INTS8: variants seen among roughly 807,000 people sequenced by gnomAD.
The protein encoded by INTS8 is protein kaonashi-1.
Under a neutral mutation model 138.9 loss-of-function variants are expected in INTS8, and 47 were observed. That is an observed-to-expected ratio of 0.34 (90% CI 0.27 to 0.43). The LOEUF (loss-of-function observed/expected upper bound fraction) is 0.43, where lower values mean the gene tolerates loss of function less well. Among genes scored for constraint, INTS8 ranks in the 20% least tolerant of loss-of-function variants. The pLI, the probability that INTS8 is intolerant of heterozygous loss-of-function variation, is 1.00. For synonymous variants in INTS8, 392 were observed against 400.9 expected (o/e 0.98, Z 0.27); for missense variants, 996 against 1,173.0 (o/e 0.85, Z 2.20).
At chr8:94,866,123 T>A (rs771753905) in intron 17 of INTS8, 35 bp from the exon 18 acceptor site, 135 of 871,524 alleles carry the variant, frequency 1.5e-4, no homozygotes, top group Non-Finnish European at 2.5e-4. Context: ...TTATTTCTAA[T>A]ATTAAATGTG....
chr8:94,848,013 C>CTTTTTTTTTTTTTTTTT (rs58388097), intron 10 of INTS8, among the ~76,000 whole-genome samples: 8,548 of 127,686 alleles, frequency 0.067, 728 homozygotes, highest in Non-Finnish European at 0.089. Flanking sequence ...TAAAACACTG[C>CTTTTTTTTTTTTTTTTT]TTTTTTTTTT....
rs1039994457 is a variant in INTS8 at position 94,872,087 on chromosome 8, A to C, written c.2533+85A>C. 4 of 658,284 alleles carry C rather than the reference A, an allele frequency of 6.1e-6. No individual in the cohort carries two copies. In the Admixed American group the frequency reaches 8.0e-5, roughly 13 times the overall value. The allele number at this position is 658,284 out of a possible 1,614,324, so 40.8% of individuals were successfully genotyped here. On this transcript the variant is annotated intron_variant, in intron 21 of 26. Coordinates refer to ENST00000523731, the MANE Select transcript of INTS8 (RefSeq NM_017864.4). ...TAAATATATAACCTATTTTATTTCA[A>C]TACTTAAGTTTTGTTGAGATTTACT...
At position 94,841,636 on chromosome 8, in the gene INTS8, C is replaced by T. The variant is rs749743969; in HGVS notation, c.1118+45C>T. 10 of 955,618 alleles carry T rather than the reference C, an allele frequency of 1.0e-5. No individual in the cohort carries two copies. In the East Asian group the frequency reaches 2.0e-4, roughly 19 times the overall value. 59.2% of individuals were successfully genotyped at this position (955,618 alleles called of 1,614,324 possible). A position where few individuals can be genotyped will look rare whatever the true frequency, so the allele number is the denominator to read the frequency against. On this transcript the variant is annotated intron_variant, in intron 9 of 26. Transcript: ENST00000523731. ...ACTTCTTGATTTTTGAATAAAACAG[C>T]AAGTGCATTCTGGTTTATCAAAACC... is the stretch of plus-strand genomic sequence containing the variant.
chr8:94,865,105 G>A (rs1036373961), intron 16 of INTS8, among the ~76,000 whole-genome samples: 1 of 151,274 alleles, frequency 6.6e-6, no homozygotes, highest in Non-Finnish European at 1.5e-5. Context: ...TCACCCCCTG[G>A]GCTTTTACCA....
In INTS8 at chr8:94,871,817, A is replaced by C. The variant is rs1403720896; in HGVS notation, c.2415-67A>C. The C allele has an allele frequency of 3.4e-6, 3 of 872,018 alleles. No homozygotes were observed. The Admixed American group carries it at 6.5e-5, about 19-fold the overall frequency. 54.0% of individuals were successfully genotyped at this position (872,018 alleles called of 1,614,324 possible). ...CTTGGCTGAGTTTTTGTTTTTAATA[A>C]ATACATGCATGGAATTTAAAGTTGA... On this transcript the variant is annotated intron_variant, in intron 20 of 26. Transcript: ENST00000523731.
In INTS8 at chr8:94,881,663, T is replaced by C. The variant is rs1210018986; in HGVS notation, c.*1429T>C. On this transcript the variant is annotated 3_prime_UTR_variant, in exon 27 of 27. Coordinates refer to ENST00000523731, the MANE Select transcript of INTS8 (RefSeq NM_017864.4). ...TTTTCCTGGTGGTTTTTCAGTGCTC[T>C]TCGGTGGTGTCATAATGCCTCCATT... 1 of 1,613,834 alleles carries C rather than the reference T, an allele frequency of 6.2e-7. No homozygotes were observed. The highest frequency in any genetic ancestry group is 8.5e-7 in the Non-Finnish European group (1 of 1,179,900).
At chr8:94,828,252 G>A (rs570252944) in intron 4 of INTS8, among the ~76,000 whole-genome samples, 6 of 152,154 alleles carry the variant, frequency 3.9e-5, no homozygotes, top group Admixed American at 3.3e-4. Context: ...TGTAGGCCAG[G>A]CTGGTGTCGA....
At chr8:94,836,025 C>T (rs1446759780) in intron 6 of INTS8, among the ~76,000 whole-genome samples, 1 of 152,152 alleles carries the variant, frequency 6.6e-6, no homozygotes, top group Non-Finnish European at 1.5e-5. Flanking sequence ...GAATCATGAG[C>T]TGGTCCTAGT....
In INTS8 at chr8:94,827,244, T is replaced by C. The variant is rs1386473402; in HGVS notation, c.306-19T>C. 1.2e-6 allele frequency: 2 copies of C among 1,607,926 alleles called. No individual in the cohort carries two copies. The highest frequency in any genetic ancestry group is 1.7e-6 in the Non-Finnish European group (2 of 1,174,906). The stretch of plus-strand genomic sequence containing the variant: ...CTTTCACAATTAATGTGCAAACATG[T>C]ACGTTTTGCTTCTTCAAGTTTGTCT... On this transcript the variant is annotated intron_variant, in intron 2 of 26. Coordinates refer to ENST00000523731, the MANE Select transcript of INTS8 (RefSeq NM_017864.4).
intron 22 of INTS8, among the ~76,000 whole-genome samples, chr8:94,874,249 T>G (rs1039550657): frequency 2.1e-4 from 2 of 9,362 alleles, no homozygotes; most frequent in Admixed American, 7.6e-4. Context: ...TTTTGTCCGT[T>G]TTTTTTTTTG....
In INTS8 at chr8:94,823,325, G is replaced by A. The variant is rs779413330; in HGVS notation, c.-107G>A. ...GTGTGAGTTTCCGGGACGTTCGGAGGGTGGCCTCTCTCCCACCGGGTTCCG... is the reference window on the plus strand; with the variant it reads ...GTGTGAGTTTCCGGGACGTTCGGAGAGTGGCCTCTCTCCCACCGGGTTCCG... On this transcript the variant is annotated 5_prime_UTR_variant, in exon 1 of 27. Coordinates refer to ENST00000523731, the MANE Select transcript of INTS8 (RefSeq NM_017864.4). 73 of 1,517,270 alleles carry A rather than the reference G, an allele frequency of 4.8e-5. No individual in the cohort carries two copies. Among genetic ancestry groups the A allele is most frequent in the Non-Finnish European group, 6.1e-5 (69 of 1,136,960 alleles). The allele number at this position is 1,517,270 out of a possible 1,614,324, so 94.0% of individuals were successfully genotyped here.
At position 94,831,855 on chromosome 8, in the gene INTS8, ATGTAAT is replaced by A. The variant is rs1329714392; in HGVS notation, c.571-132_571-127del. 91 of 545,852 alleles carry A rather than the reference ATGTAAT, an allele frequency of 1.7e-4. 1 individual carries two copies. The East Asian group carries it at 2.5e-3, about 15-fold the overall frequency. The allele number at this position is 545,852 out of a possible 1,614,324, so 33.8% of individuals were successfully genotyped here. A position where few individuals can be genotyped will look rare whatever the true frequency, so the allele number is the denominator to read the frequency against. ...ATTTAAGGTAACTTTATTTCAACAA[ATGTAAT>A]TGTACTCTTGCTGTGTTAAAAATTT... On this transcript the variant is annotated intron_variant, in intron 5 of 26. Coordinates refer to ENST00000523731, the MANE Select transcript of INTS8 (RefSeq NM_017864.4).
chr8:94,841,171 A>G (rs1195174042), intron 8 of INTS8, among the ~76,000 whole-genome samples: 1 of 152,120 alleles, frequency 6.6e-6, no homozygotes, highest in Non-Finnish European at 1.5e-5. Flanking sequence ...TTGGCCTCCC[A>G]AAGTGCTCAG....
chr8:94,875,593 C>CTT (rs1259148665), intron 23 of INTS8, among the ~76,000 whole-genome samples: 1 of 152,014 alleles, frequency 6.6e-6, no homozygotes, highest in Non-Finnish European at 1.5e-5. Flanking sequence ...AGATTGGGTA[C>CTT]TTTAAGAGGG....
chr8:94,834,640 T>A (rs879860777), intron 6 of INTS8, among the ~76,000 whole-genome samples: 3 of 151,084 alleles, frequency 2.0e-5, no homozygotes, highest in African/African-American at 7.3e-5. Context: ...AAAGAGGAGA[T>A]TGCAGTGAGC....
At chr8:94,837,044 T>TA (rs1161749158) in intron 7 of INTS8, among the ~76,000 whole-genome samples, 2 of 152,240 alleles carry the variant, frequency 1.3e-5, no homozygotes, top group Non-Finnish European at 2.9e-5. Flanking sequence ...AGATTTCAGA[T>TA]ATGTTTAAGT....
At chr8:94,850,590 T>C (rs1815501673) in intron 12 of INTS8, among the ~76,000 whole-genome samples, 2 of 128,026 alleles carry the variant, frequency 1.6e-5, no homozygotes, top group South Asian at 2.4e-4. Context: ...CCAGCCTGGG[T>C]GACAGAGCGA....
At chr8:94,848,481 C>T (rs1815411721) in intron 10 of INTS8, among the ~76,000 whole-genome samples, 1 of 152,144 alleles carries the variant, frequency 6.6e-6, no homozygotes, top group Admixed American at 6.6e-5. Context: ...ACCTGTCACT[C>T]TTCATTTTCC....
Position 94,842,380 on chromosome 8 carries a change from T to G in INTS8, c.1152T>G (p.Val384=). The G allele has an allele frequency of 6.3e-7, 1 of 1,597,430 alleles. No homozygotes were observed. Among genetic ancestry groups the G allele is most frequent in the Non-Finnish European group, 8.6e-7 (1 of 1,169,506 alleles). The change falls in exon 10 of 27, where the codon GTT becomes GTG. Residue 384 remains valine (V), a synonymous_variant. Coordinates refer to ENST00000523731, the MANE Select transcript of INTS8 (RefSeq NM_017864.4). ...CTCTAGATGAAATCTGTTTTAAAGT[T>G]TGTGCCTGTAATACAGTCCGTGATA... The part of the protein sequence containing the change: ...NEALDEICFK[V]CACNTVRDIL...
Sources: gnomAD v4.1 joint callset for allele counts (sites outside exome capture counted in the v4.1 genomes callset) on GRCh38, gnomAD v4.1.1 for gene constraint, MANE v1.5 for transcripts, NCBI Gene and HGNC (gene_info 2026-07-23, HGNC 2026-07-21) for gene names.